Variants in ADAMTS17 observed in about 807,000 individuals in gnomAD.
ADAMTS17 encodes A disintegrin and metalloproteinase with thrombospondin motifs 17.
A neutral mutation model predicts 141.5 loss-of-function variants in ADAMTS17; 113 were observed. The observed-to-expected ratio is 0.80, with a 90% CI of 0.69 to 0.93. The LOEUF (loss-of-function observed/expected upper bound fraction) is 0.93, where lower values mean the gene tolerates loss of function less well. ADAMTS17 is among the 40% of genes least tolerant of loss of function. ADAMTS17 has a pLI of 0.00. For synonymous variants in ADAMTS17, 768 were observed against 630.6 expected (o/e 1.22, Z -3.27); for missense variants, 1,659 against 1,517.9 (o/e 1.09, Z -1.54).
intron 8 of ADAMTS17, among the ~76,000 whole-genome samples, chr15:100,180,740 T>TGAAA (rs1387367772): frequency 4.6e-5 from 7 of 152,242 alleles, no homozygotes; most frequent in Admixed American, 2.6e-4. Flanking sequence ...TTTACTTCTT[T>TGAAA]GGTTAAGTTA....
intron 15 of ADAMTS17, among the ~76,000 whole-genome samples, chr15:100,074,948 G>C (rs891343649): frequency 2.6e-5 from 4 of 151,912 alleles, no homozygotes; most frequent in Admixed American, 1.3e-4. Flanking sequence ...ACCCCCATTT[G>C]GTTCATTAAA....
intron 10 of ADAMTS17, among the ~76,000 whole-genome samples, chr15:100,134,287 C>T (rs2038212565): frequency 6.6e-6 from 1 of 152,212 alleles, no homozygotes; most frequent in East Asian, 1.9e-4. Flanking sequence ...ACTGCTCTCT[C>T]CCTCACCCCC....
At position 99,977,349 on chromosome 15, in the gene ADAMTS17, CATATAT is replaced by C. The variant is rs71151927; in HGVS notation, c.2950-1133_2950-1128del. On this transcript the variant is annotated intron_variant, in intron 20 of 21. Coordinates refer to ENST00000268070, the MANE Select transcript of ADAMTS17 (RefSeq NM_139057.4). ...GGTTCTGTTCTCCGTCCCTCCTCTT[CATATAT>C]ATATATATATATATATATATATATA... Among the ~76,000 whole-genome samples the C allele has an allele frequency of 5.2e-3, 157 of 30,318 alleles. 1 individual carries two copies. Among genetic ancestry groups the C allele is most frequent in the East Asian group, 0.01 (8 of 792 alleles). The allele number at this position is 30,318 out of a possible 152,430, so 19.9% of individuals were successfully genotyped here. A position where few individuals can be genotyped will look rare whatever the true frequency, so the allele number is the denominator to read the frequency against.
At chr15:100,159,101 T>C (rs1441627428) in intron 8 of ADAMTS17, among the ~76,000 whole-genome samples, 2 of 152,116 alleles carry the variant, frequency 1.3e-5, no homozygotes, top group Non-Finnish European at 2.9e-5. Flanking sequence ...TACTGCATGA[T>C]CCAACAATTC....
intron 15 of ADAMTS17, among the ~76,000 whole-genome samples, chr15:100,084,673 T>G (rs1433791509): frequency 6.6e-6 from 1 of 152,148 alleles, no homozygotes; most frequent in Admixed American, 6.5e-5. Context: ...GGCAGCAGCA[T>G]TTGCAATTCA....
intron 18 of ADAMTS17, among the ~76,000 whole-genome samples, chr15:100,000,095 T>A (rs1276196110): frequency 6.6e-6 from 1 of 152,198 alleles, no homozygotes; most frequent in Non-Finnish European, 1.5e-5. Context: ...CTGGCACACC[T>A]GAAGCCCGTG....
At chr15:100,080,997 TGATTA>T (rs2034696950) in intron 15 of ADAMTS17, among the ~76,000 whole-genome samples, 1 of 152,234 alleles carries the variant, frequency 6.6e-6, no homozygotes, top group South Asian at 2.1e-4. Context: ...AGTGTCAACT[TGATTA>T]GATTAAAGGA....
In ADAMTS17 at chr15:100,058,236, C is replaced by CGGCTCTT. The variant is rs2032785025; in HGVS notation, c.2138-4183_2138-4182insAAGAGCC. Among the ~76,000 whole-genome samples, 3 of 21,708 alleles carry CGGCTCTT rather than the reference C, an allele frequency of 1.4e-4. 1 individual carries two copies. Among genetic ancestry groups the CGGCTCTT allele is most frequent in the African/African-American group, 4.8e-4 (3 of 6,268 alleles). The allele number at this position is 21,708 out of a possible 152,430, so 14.2% of individuals were successfully genotyped here. On this transcript the variant is annotated intron_variant, in intron 15 of 21. Transcript: ENST00000268070. ...TATTCCGGCTCCAACACTCCTATCC[C>CGGCTCTT]AGCTCTGACCCTCCTATCCCGGCTC... is the stretch of plus-strand genomic sequence containing the variant.
chr15:100,263,221 G>A (rs558554640), intron 4 of ADAMTS17, among the ~76,000 whole-genome samples: 3 of 152,268 alleles, frequency 2.0e-5, no homozygotes, highest in Non-Finnish European at 4.4e-5. Context: ...CTGTGTCATT[G>A]CTAACCCTTG....
chr15:100,275,563 G>A lies in ADAMTS17; in HGVS notation c.789+5666C>T, dbSNP rs559166820. 8.5e-5 allele frequency among the ~76,000 whole-genome samples: 13 copies of A among 152,312 alleles called. No individual in the cohort carries two copies. The East Asian group carries it at 2.1e-3, about 25-fold the overall frequency. On this transcript the variant is annotated intron_variant, in intron 4 of 21. Transcript: ENST00000268070. ...CAGACATGCCTGTCACCTTCAACAA[G>A]GTGACATGGGGTCCCTCAGTCCCGG... is the stretch of plus-strand genomic sequence containing the variant.
intron 8 of ADAMTS17, among the ~76,000 whole-genome samples, chr15:100,193,688 C>T (rs372407788): frequency 6.6e-6 from 1 of 152,204 alleles, no homozygotes; most frequent in Non-Finnish European, 1.5e-5. Flanking sequence ...TCCTGCTGCG[C>T]GTCACTGCCA....
intron 4 of ADAMTS17, among the ~76,000 whole-genome samples, chr15:100,266,326 A>G (rs1044429590): frequency 1.3e-5 from 2 of 152,204 alleles, no homozygotes; most frequent in Non-Finnish European, 2.9e-5. Flanking sequence ...GCACATCTGG[A>G]AAACCCACAA....
chr15:100,225,734 G>GC (rs571089062), intron 7 of ADAMTS17, among the ~76,000 whole-genome samples: 22 of 144,302 alleles, frequency 1.5e-4, no homozygotes, highest in East Asian at 8.4e-4. Context: ...TGGTCTCTGT[G>GC]CCATTCAGTC....
intron 7 of ADAMTS17, among the ~76,000 whole-genome samples, chr15:100,203,510 C>A (rs1015082357): frequency 3.3e-5 from 5 of 152,156 alleles, no homozygotes; most frequent in Non-Finnish European, 7.4e-5. Flanking sequence ...TCGAGACCAT[C>A]CTGGCTAACA....
chr15:100,079,899 T>A lies in ADAMTS17; in HGVS notation c.2137+16457A>T, dbSNP rs371790160. Among the ~76,000 whole-genome samples the A allele has an allele frequency of 1.8e-4, 27 of 152,326 alleles. No individual in the cohort carries two copies. In the East Asian group the frequency reaches 2.5e-3, roughly 14 times the overall value. ...CTCATGGAATTCACTGGTCTTACCA[T>A]GTTCTCCATCATCCTGAAGAGGCTG... On this transcript the variant is annotated intron_variant, in intron 15 of 21. Transcript: ENST00000268070.
chr15:100,067,653 TA>T (rs1419980481), intron 15 of ADAMTS17, among the ~76,000 whole-genome samples: 2 of 152,204 alleles, frequency 1.3e-5, no homozygotes, highest in African/African-American at 2.4e-5. Flanking sequence ...ATCTTTTATT[TA>T]CCCTGCTTGG....
chr15:100,054,960 G>A (rs955025863), intron 15 of ADAMTS17, among the ~76,000 whole-genome samples: 3 of 152,184 alleles, frequency 2.0e-5, no homozygotes, highest in African/African-American at 7.2e-5. Flanking sequence ...CATGAGGACA[G>A]CACTCTGCAG....
intron 8 of ADAMTS17, 82 bp from the exon 9 acceptor site, chr15:100,155,402 G>T: frequency 3.9e-6 from 6 of 1,548,838 alleles, no homozygotes; most frequent in Non-Finnish European, 8.7e-7. Context: ...CCATGCTAAG[G>T]TAAATCAAGT....
intron 18 of ADAMTS17, among the ~76,000 whole-genome samples, chr15:100,002,009 A>G (rs2060936914): frequency 7.0e-6 from 1 of 142,094 alleles, no homozygotes; most frequent in Admixed American, 7.1e-5. Flanking sequence ...AAAAAAAAAA[A>G]AAAAAAAGAA....
Sources: allele counts gnomAD v4.1 joint callset (sites outside exome capture counted in the v4.1 genomes callset), GRCh38; gene constraint gnomAD v4.1.1; transcripts MANE v1.5; gene names NCBI Gene and HGNC (gene_info 2026-07-23, HGNC 2026-07-21).